RIN2: variants seen among roughly 807,000 people sequenced by gnomAD.
RIN2 encodes the protein Ras and Rab interactor 2, also known as RAB5 interacting protein 2.
A neutral mutation model predicts 78.0 loss-of-function variants in RIN2; 36 were observed. The ratio of observed to expected loss-of-function variants is 0.46; its 90% CI spans 0.35 to 0.61. The LOEUF (loss-of-function observed/expected upper bound fraction) is 0.61, where lower values mean the gene tolerates loss of function less well. Among genes scored for constraint, RIN2 ranks in the 20% least tolerant of loss-of-function variants. The probability of loss-of-function intolerance (pLI) is 0.00; values close to 1 mark genes in which losing one functional copy is unlikely to be tolerated. For synonymous variants in RIN2, 466 were observed against 466.8 expected (o/e 1.00, Z 0.02); for missense variants, 1,087 against 1,159.7 (o/e 0.94, Z 0.91).
At chr20:19,987,302 G>A (rs2042651713) in intron 9 of RIN2, among the ~76,000 whole-genome samples, 1 of 152,128 alleles carries the variant, frequency 6.6e-6, no homozygotes, top group Non-Finnish European at 1.5e-5. Flanking sequence ...TGACTGACAT[G>A]GCCTTTGTCC....
chr20:19,964,829 A>T, intron 6 of RIN2, 123 bp from the exon 7 acceptor site: 1 of 796,796 alleles, frequency 1.3e-6, no homozygotes, highest in East Asian at 2.5e-5. Context: ...GCTGGTTCTG[A>T]TAAGCCACAC....
intron 1 of RIN2, among the ~76,000 whole-genome samples, chr20:19,764,204 T>C (rs893891846): frequency 7.2e-5 from 11 of 152,386 alleles, no homozygotes; most frequent in African/African-American, 2.6e-4. Context: ...AGATGAACTT[T>C]AGTTATTAAA....
At chr20:19,925,345 T>C (rs1206809820) in intron 3 of RIN2, among the ~76,000 whole-genome samples, 3 of 152,202 alleles carry the variant, frequency 2.0e-5, no homozygotes, top group African/African-American at 7.2e-5. Flanking sequence ...GTATATACTG[T>C]ATAAGTCTTA....
intron 1 of RIN2, among the ~76,000 whole-genome samples, chr20:19,769,673 G>A (rs566483742): frequency 6.6e-6 from 1 of 152,344 alleles, no homozygotes; most frequent in Admixed American, 6.5e-5. Context: ...CAAACCACTA[G>A]TAAGAATTCC....
intron 9 of RIN2, among the ~76,000 whole-genome samples, chr20:19,980,500 C>T (rs373648742): frequency 6.6e-6 from 1 of 152,098 alleles, no homozygotes; most frequent in East Asian, 1.9e-4. Context: ...AGGTGGGTGG[C>T]GGATGGCATC....
chr20:19,976,383 A>G (rs1698810707), intron 9 of RIN2, among the ~76,000 whole-genome samples: 1 of 152,178 alleles, frequency 6.6e-6, no homozygotes, highest in African/African-American at 2.4e-5. Context: ...TCCTCATCCC[A>G]TACACTTCTG....
At chr20:19,971,467 C>T (rs774745518) in intron 8 of RIN2, among the ~76,000 whole-genome samples, 8 of 152,132 alleles carry the variant, frequency 5.3e-5, no homozygotes, top group Non-Finnish European at 7.3e-5. Flanking sequence ...CCCACTTTAA[C>T]GTCTTTTCCC....
chr20:19,889,986 A>T lies in RIN2; in HGVS notation c.57+328A>T, dbSNP rs566007501. Among the ~76,000 whole-genome samples the T allele has an allele frequency of 7.9e-5, 12 of 152,218 alleles. No homozygotes were observed. The South Asian group carries it at 2.5e-3, about 32-fold the overall frequency. ...TGGTGGAAGCTGTACTTTGCTTTCC[A>T]GTGAATCAATGCTGTCGTCCATGTG... On this transcript the variant is annotated intron_variant, in intron 3 of 12. Transcript: ENST00000255006.
chr20:19,769,134 C>T (rs2034015563), intron 1 of RIN2, among the ~76,000 whole-genome samples: 1 of 152,156 alleles, frequency 6.6e-6, no homozygotes, highest in African/African-American at 2.4e-5. Flanking sequence ...GTTGGCCAGG[C>T]TGGTCTTGAA....
chr20:19,845,246 C>A (rs1174473659), intron 2 of RIN2, among the ~76,000 whole-genome samples: 1 of 152,146 alleles, frequency 6.6e-6, no homozygotes, highest in Non-Finnish European at 1.5e-5. Flanking sequence ...TGGGTATATA[C>A]CCAGTAATGG....
intron 2 of RIN2, among the ~76,000 whole-genome samples, chr20:19,837,064 A>C (rs1037594193): frequency 6.6e-6 from 1 of 151,958 alleles, no homozygotes; most frequent in African/African-American, 2.4e-5. Flanking sequence ...TCCATACAAC[A>C]CTGCTGTAAG....
At chr20:19,789,159 C>T (rs757685816) in intron 1 of RIN2, among the ~76,000 whole-genome samples, 26 of 152,200 alleles carry the variant, frequency 1.7e-4, no homozygotes, top group South Asian at 4.2e-4. Context: ...TGCAATTAAG[C>T]GGGTGTGGAG....
At chr20:19,869,253 G>A (rs2089153435) in intron 2 of RIN2, among the ~76,000 whole-genome samples, 1 of 152,224 alleles carries the variant, frequency 6.6e-6, no homozygotes, top group Admixed American at 6.5e-5. Context: ...CGCTGTGGCA[G>A]AGTTTGGACT....
intron 2 of RIN2, among the ~76,000 whole-genome samples, chr20:19,833,267 G>T (rs555938548): frequency 0.011 from 1,713 of 150,052 alleles, 19 homozygotes; most frequent in East Asian, 0.029. Context: ...TCTATATATA[G>T]ATAGATAGAT....
intron 2 of RIN2, among the ~76,000 whole-genome samples, chr20:19,806,921 C>T (rs960590449): frequency 3.9e-5 from 6 of 152,206 alleles, no homozygotes; most frequent in African/African-American, 7.2e-5. Flanking sequence ...CTGTTTAGCT[C>T]ATGCAAACAG....
At chr20:19,892,758 C>A (rs2038537366) in intron 3 of RIN2, among the ~76,000 whole-genome samples, 1 of 152,220 alleles carries the variant, frequency 6.6e-6, no homozygotes, top group Non-Finnish European at 1.5e-5. Context: ...ACATGTAGTT[C>A]TCTGTGAGGA....
chr20:19,783,651 AG>A (rs1322605065), intron 1 of RIN2, among the ~76,000 whole-genome samples: 1 of 152,150 alleles, frequency 6.6e-6, no homozygotes, highest in Admixed American at 6.5e-5. Flanking sequence ...GGAAACCCCT[AG>A]GAAAGTGGGG....
Position 19,876,622 on chromosome 20 carries a change from CG to C in RIN2, c.-36-12942del, listed in dbSNP as rs1400846415. 6.6e-5 allele frequency among the ~76,000 whole-genome samples: 10 copies of C among 152,124 alleles called. No homozygotes were observed. In the South Asian group the frequency reaches 2.1e-3, roughly 32 times the overall value. The stretch of plus-strand genomic sequence containing the variant: ...CTTTATAAATCAAAATACCACATAC[CG>C]GCTGGGTGCTGTGGCTCACGCCTGG... On this transcript the variant is annotated intron_variant, in intron 2 of 12. Coordinates refer to ENST00000255006, the MANE Select transcript of RIN2 (RefSeq NM_018993.4).
At chr20:19,764,973 G>C (rs560314258) in intron 1 of RIN2, among the ~76,000 whole-genome samples, 1 of 120,854 alleles carries the variant, frequency 8.3e-6, no homozygotes, top group Admixed American at 1.1e-4. Flanking sequence ...TCCCAGGCAG[G>C]AGTGCAGTGG....
Sources: allele counts gnomAD v4.1 joint callset (sites outside exome capture counted in the v4.1 genomes callset), GRCh38; gene constraint gnomAD v4.1.1; transcripts MANE v1.5; gene names NCBI Gene and HGNC (gene_info 2026-07-23, HGNC 2026-07-21).